Variants in AP3B1 observed in about 807,000 individuals in gnomAD.
The protein encoded by AP3B1 is adaptor related protein complex 3 subunit beta 1, also known as AP-3 complex subunit beta-1.
AP3B1 carries 61 observed loss-of-function variants against 132.5 expected under a neutral mutation model. That is an observed-to-expected ratio of 0.46 (90% confidence interval 0.37 to 0.57). AP3B1 has a LOEUF of 0.57. Ranked by LOEUF, AP3B1 falls within the 20% of genes least tolerant of loss-of-function variation. AP3B1 has a pLI of 0.00. For synonymous variants in AP3B1, 388 were observed against 438.3 expected (o/e 0.89, Z 1.43); for missense variants, 1,120 against 1,289.4 (o/e 0.87, Z 2.01).
intron 17 of AP3B1, among the ~76,000 whole-genome samples, chr5:78,118,729 T>C (rs1309500854): frequency 6.6e-6 from 1 of 152,222 alleles, no homozygotes; most frequent in African/African-American, 2.4e-5. Flanking sequence ...CCTGCCTCTG[T>C]AGGCTCCACC....
chr5:78,014,750 G>A (rs1746786314), intron 26 of AP3B1, among the ~76,000 whole-genome samples: 1 of 152,110 alleles, frequency 6.6e-6, no homozygotes, highest in African/African-American at 2.4e-5. Context: ...ATCACCAAAT[G>A]GATAAGAGAT....
In AP3B1 at chr5:78,177,343, T is replaced by C; in HGVS notation, c.1036A>G (p.Asn346Asp). Residue 346 changes from asparagine (N) to aspartate (D), a missense_variant, in exon 9 of 27, where the codon AAT (asparagine) becomes GAT (aspartate). Asn to Asp is a conservative substitution (Grantham distance 23, BLOSUM62 1). Transcript: ENST00000255194. ...SKSLVRLLRS[N>D]REVQYIVLQN... ...ATATATAAAATCATGACCTACCTAT[T>C]GCTACGAAGTAAACGCACTAGTGAT... The C allele has an allele frequency of 6.2e-7, 1 of 1,609,408 alleles. No homozygotes were observed. The highest frequency in any genetic ancestry group is 8.5e-7 in the Non-Finnish European group (1 of 1,175,778).
At chr5:78,059,252 G>A (rs1406590910) in intron 22 of AP3B1, among the ~76,000 whole-genome samples, 3 of 152,218 alleles carry the variant, frequency 2.0e-5, no homozygotes, top group Non-Finnish European at 2.9e-5. Flanking sequence ...AATGTGGGCT[G>A]CCTTTACAAA....
At chr5:78,066,249 G>GCCTCTT (rs2112153443) in intron 22 of AP3B1, among the ~76,000 whole-genome samples, 1 of 152,332 alleles carries the variant, frequency 6.6e-6, no homozygotes, top group East Asian at 1.9e-4. Context: ...AAGCCAGAGT[G>GCCTCTT]CCTCTTCTCC....
chr5:78,121,120 A>C (rs937967161), intron 17 of AP3B1, among the ~76,000 whole-genome samples: 4 of 152,222 alleles, frequency 2.6e-5, no homozygotes, highest in African/African-American at 7.2e-5. Context: ...ATGAGGGCAG[A>C]AATAAAGATG....
intron 16 of AP3B1, 90 bp downstream of exon 16, chr5:78,129,030 TA>T: frequency 9.4e-7 from 1 of 1,067,050 alleles, no homozygotes; most frequent in Non-Finnish European, 1.4e-6. Context: ...TTATATTTCC[TA>T]AGAGATAAAT....
At position 78,200,715 on chromosome 5, in the gene AP3B1, T is replaced by G. The variant is rs1311234147; in HGVS notation, c.786+15340A>C. ...TAGAATACCACTAAGAGAACTCATT[T>G]TAAAATATCAGAAAACCCAACAGAA... On this transcript the variant is annotated intron_variant, in intron 7 of 26. Transcript: ENST00000255194. 2.0e-5 allele frequency among the ~76,000 whole-genome samples: 3 copies of G among 152,112 alleles called. 1 individual carries two copies. The highest frequency in any genetic ancestry group is 4.4e-5 in the Non-Finnish European group (3 of 68,010).
chr5:78,039,002 A>G (rs970174552), intron 23 of AP3B1, 41 bp downstream of exon 23: 1 of 1,235,864 alleles, frequency 8.1e-7, no homozygotes, highest in African/African-American at 1.5e-5. Flanking sequence ...ATATTTAGTG[A>G]TCAAATATAG....
intron 24 of AP3B1, among the ~76,000 whole-genome samples, chr5:78,022,012 A>G (rs1747124770): frequency 1.3e-5 from 2 of 152,222 alleles, no homozygotes; most frequent in African/African-American, 2.4e-5. Flanking sequence ...GTTAAGAAAC[A>G]CTTGAATTTA....
chr5:78,267,444 T>TA, intron 2 of AP3B1, 76 bp downstream of exon 2: 2 of 583,688 alleles, frequency 3.4e-6, no homozygotes, highest in Admixed American at 3.6e-5. Context: ...TTAACGTATT[T>TA]TTATATATAT....
At chr5:78,096,361 C>G (rs1048195285) in intron 21 of AP3B1, among the ~76,000 whole-genome samples, 6 of 152,130 alleles carry the variant, frequency 3.9e-5, no homozygotes, top group Non-Finnish European at 7.4e-5. Flanking sequence ...TGGCTCGCTA[C>G]AACCTCCACC....
At chr5:78,234,000 G>T (rs997013390) in intron 3 of AP3B1, among the ~76,000 whole-genome samples, 1 of 151,990 alleles carries the variant, frequency 6.6e-6, no homozygotes, top group Non-Finnish European at 1.5e-5. Context: ...ATTTATAAAA[G>T]AAGAATGCTT....
At chr5:78,249,460 T>C (rs1194579330) in intron 2 of AP3B1, among the ~76,000 whole-genome samples, 1 of 152,172 alleles carries the variant, frequency 6.6e-6, no homozygotes, top group Non-Finnish European at 1.5e-5. Flanking sequence ...CTCCAATCTC[T>C]TTCTCCTCTC....
intron 17 of AP3B1, among the ~76,000 whole-genome samples, chr5:78,117,376 C>T (rs1233121626): frequency 2.0e-5 from 3 of 150,666 alleles, no homozygotes; most frequent in African/African-American, 7.3e-5. Context: ...GTGACAGGAT[C>T]TCGGCTCACT....
intron 3 of AP3B1, 54 bp from the exon 4 acceptor site, chr5:78,228,293 AT>A (rs1746485685): frequency 7.9e-7 from 1 of 1,270,014 alleles, no homozygotes; most frequent in East Asian, 2.4e-5. Flanking sequence ...AAAACTCAGT[AT>A]TTGCTATACC....
chr5:78,184,294 G>A (rs1372229223), intron 7 of AP3B1, among the ~76,000 whole-genome samples: 1 of 152,100 alleles, frequency 6.6e-6, no homozygotes, highest in African/African-American at 2.4e-5. Flanking sequence ...CAAAAGCAGA[G>A]GAGGGGGACA....
chr5:78,247,198 A>T (rs1025341018), intron 2 of AP3B1, among the ~76,000 whole-genome samples: 1 of 151,052 alleles, frequency 6.6e-6, no homozygotes, highest in African/African-American at 2.4e-5. Flanking sequence ...GCATAATTTT[A>T]ATTCTTTTAA....
chr5:78,097,313 A>C (rs1299360788), intron 21 of AP3B1, among the ~76,000 whole-genome samples: 57 of 86,156 alleles, frequency 6.6e-4, no homozygotes, highest in Admixed American at 1.1e-3. Context: ...CCCGGCCAGC[A>C]GCCCCGTCCG....
intron 22 of AP3B1, among the ~76,000 whole-genome samples, chr5:78,085,622 G>A (rs1750210383): frequency 6.6e-6 from 1 of 151,938 alleles, no homozygotes; most frequent in African/African-American, 2.4e-5. Flanking sequence ...TAGTCCTTTT[G>A]CTCATTTTTA....
Sources: allele counts gnomAD v4.1 joint callset (sites outside exome capture counted in the v4.1 genomes callset), GRCh38; gene constraint gnomAD v4.1.1; transcripts MANE v1.5; gene names NCBI Gene and HGNC (gene_info 2026-07-23, HGNC 2026-07-21).